RYR3: variants seen among roughly 807,000 people sequenced by gnomAD.
RYR3 encodes the protein ryanodine receptor 3.
A neutral mutation model predicts 584.3 loss-of-function variants in RYR3; 207 were observed. The observed-to-expected ratio is 0.35, with a 90% CI of 0.32 to 0.40. The LOEUF is 0.40. RYR3 is among the 10% of genes least tolerant of loss of function. The pLI, the probability that RYR3 is intolerant of heterozygous loss-of-function variation, is 1.00. For missense variants in RYR3, 5,616 were observed against 6,089.2 expected (o/e 0.92, Z 2.59); for synonymous variants, 2,416 against 2,248.5 (o/e 1.07, Z -2.11).
chr15:33,479,320 A>G (rs2049735867), intron 2 of RYR3, among the ~76,000 whole-genome samples: 2 of 152,010 alleles, frequency 1.3e-5, no homozygotes, highest in Non-Finnish European at 2.9e-5. Flanking sequence ...GCAGAGACAG[A>G]CTCATCCTAA....
intron 16 of RYR3, among the ~76,000 whole-genome samples, chr15:33,592,613 AAGG>A (rs908396045): frequency 6.6e-6 from 1 of 152,168 alleles, no homozygotes; most frequent in African/African-American, 2.4e-5. Context: ...GTATGTTCAG[AAGG>A]AGAAGAAAAT....
chr15:33,585,212 C>G (rs763637557), intron 15 of RYR3, among the ~76,000 whole-genome samples: 1 of 152,184 alleles, frequency 6.6e-6, no homozygotes, highest in African/African-American at 2.4e-5. Flanking sequence ...CACCTACACA[C>G]GTCTTCCTAA....
At chr15:33,848,770 C>G (rs187730488) in intron 94 of RYR3, among the ~76,000 whole-genome samples, 1 of 148,402 alleles carries the variant, frequency 6.7e-6, no homozygotes, top group East Asian at 2.0e-4. Context: ...TCAGCTTCAG[C>G]TTTTCCATAG....
At chr15:33,626,888 A>C (rs1229932734) in intron 20 of RYR3, among the ~76,000 whole-genome samples, 1 of 152,116 alleles carries the variant, frequency 6.6e-6, no homozygotes, top group Non-Finnish European at 1.5e-5. Flanking sequence ...AAACACCTGG[A>C]TGTCCAAGCA....
chr15:33,664,744 GCATA>G (rs2063398902), intron 36 of RYR3, among the ~76,000 whole-genome samples: 1 of 151,634 alleles, frequency 6.6e-6, no homozygotes. Context: ...CATAGAGTAA[GCATA>G]CATACATGTA....
At chr15:33,449,384 A>T (rs1281742842) in intron 1 of RYR3, among the ~76,000 whole-genome samples, 1 of 152,210 alleles carries the variant, frequency 6.6e-6, no homozygotes, top group African/African-American at 2.4e-5. Flanking sequence ...GTACAATGTG[A>T]AACTCACAGT....
intron 9 of RYR3, among the ~76,000 whole-genome samples, chr15:33,549,932 C>T (rs2056548671): frequency 6.6e-6 from 1 of 152,130 alleles, no homozygotes; most frequent in Non-Finnish European, 1.5e-5. Flanking sequence ...AAGCCACTGA[C>T]CTGCCTTCAA....
At chr15:33,826,417 C>T (rs1596839086) in intron 83 of RYR3, 148 bp downstream of exon 83, 1 of 862,402 alleles carries the variant, frequency 1.2e-6, no homozygotes, top group Non-Finnish European at 1.9e-6. Flanking sequence ...GAAGTGTCTT[C>T]CATCTGTAAA....
intron 7 of RYR3, among the ~76,000 whole-genome samples, chr15:33,542,208 A>G (rs577955681): frequency 6.6e-6 from 1 of 152,090 alleles, no homozygotes; most frequent in African/African-American, 2.4e-5. Context: ...CTTCATCATG[A>G]TGCTGCTTTC....
intron 2 of RYR3, among the ~76,000 whole-genome samples, chr15:33,474,442 CCTT>C (rs2049194180): frequency 6.6e-6 from 1 of 152,124 alleles, no homozygotes; most frequent in Non-Finnish European, 1.5e-5. Flanking sequence ...AGGTAGAGTT[CCTT>C]CTTTTCTAGG....
At chr15:33,637,672 T>G (rs1346010116) in intron 27 of RYR3, among the ~76,000 whole-genome samples, 1 of 152,238 alleles carries the variant, frequency 6.6e-6, no homozygotes, top group Non-Finnish European at 1.5e-5. Flanking sequence ...CACAAATACA[T>G]GAAACTGTGT....
chr15:33,579,993 C>T lies in RYR3; in HGVS notation c.1286C>T (p.Ala429Val). Residue 429 changes from alanine to valine, a missense_variant, in exon 13 of 104, where the codon GCT becomes GTT. Transcript: ENST00000634891. ...SQFVSGNNRT[A>V]APITLPIEEV... ...GTTTTTAGCGGAAACAATCGCACAGCTGCCCCCATCACCCTGCCTATAGAA... is the reference window on the plus strand; with the variant it reads ...GTTTTTAGCGGAAACAATCGCACAGTTGCCCCCATCACCCTGCCTATAGAA... 6.2e-7 allele frequency: 1 copy of T among 1,611,328 alleles called. No individual in the cohort carries two copies. The highest frequency in any genetic ancestry group is 1.1e-5 in the South Asian group (1 of 90,648).
At chr15:33,756,216 C>T (rs758763149) in intron 58 of RYR3, 90 bp from the exon 59 acceptor site, 63 of 845,758 alleles carry the variant, frequency 7.4e-5, no homozygotes, top group African/African-American at 1.9e-4. Context: ...TTTTAAATAG[C>T]CTTTAGAAAA....
At chr15:33,861,317 C>A (rs1888116523) in intron 102 of RYR3, 139 bp downstream of exon 102, 1 of 584,282 alleles carries the variant, frequency 1.7e-6, no homozygotes, top group East Asian at 3.1e-5. Context: ...TACCTTTGTC[C>A]ATAGACTCTG....
At position 33,861,117 on chromosome 15, in the gene RYR3, G is replaced by T; in HGVS notation, c.14404G>T (p.Asp4802Tyr). The T allele has an allele frequency of 1.3e-6, 2 of 1,597,496 alleles. No individual in the cohort carries two copies. Among genetic ancestry groups the T allele is most frequent in the South Asian group, 2.3e-5 (2 of 87,922 alleles). The change falls in exon 102 of 104, where the codon GAC (aspartate) becomes TAC (tyrosine). Residue 4802 changes from aspartate (D) to tyrosine (Y), a missense_variant. This residue lies in a region of RYR3 where 918 missense variants were observed against 887.4 expected (regional missense o/e 1.03). Transcript: ENST00000634891. ...FICGIGNDYF[D>Y]TTPHGFETHT... ...CTGTGGGATTGGCAATGACTACTTT[G>T]ACACAACCCCTCATGGTTTTGAAAC...
At position 33,658,261 on chromosome 15, in the gene RYR3, G is replaced by A. The variant is rs140858917; in HGVS notation, c.4309-1459G>A. ...TGGCAGAATTCAATTGCTTGCATTT[G>A]TAGAACTGAGGTCCTGTTTTCATGC... On this transcript the variant is annotated intron_variant, in intron 32 of 103. Transcript: ENST00000634891. Among the ~76,000 whole-genome samples, 171 of 152,312 alleles carry A rather than the reference G, an allele frequency of 1.1e-3. 1 individual carries two copies. The highest frequency in any genetic ancestry group is 3.9e-3 in the African/African-American group (162 of 41,578).
chr15:33,398,598 T>G (rs932935821), intron 1 of RYR3, among the ~76,000 whole-genome samples: 11 of 152,192 alleles, frequency 7.2e-5, no homozygotes, highest in African/African-American at 2.7e-4. Flanking sequence ...ACGCATGGGA[T>G]TTCAGGGAGT....
In RYR3 at chr15:33,700,983, C is replaced by T. The variant is rs760346507; in HGVS notation, c.6386C>T (p.Pro2129Leu). 6.2e-7 allele frequency: 1 copy of T among 1,612,000 alleles called. No homozygotes were observed. Residue 2129 changes from proline to leucine, a missense_variant, in exon 42 of 104, where the codon CCG (proline) becomes CTG (leucine). Transcript: ENST00000634891. ...TTCTCCCCTCCTCCCTCAGCCTCCC[C>T]GTCGATGAGGGGATCCACCCCGCTG... ...LENSSVGLAS[P>L]SMRGSTPLDV...
At chr15:33,488,207 C>A (rs2050633532) in intron 2 of RYR3, among the ~76,000 whole-genome samples, 1 of 152,156 alleles carries the variant, frequency 6.6e-6, no homozygotes, top group Non-Finnish European at 1.5e-5. Flanking sequence ...TGGGAATCTT[C>A]ACAAAGAATT....
Sources: allele counts gnomAD v4.1 joint callset (sites outside exome capture counted in the v4.1 genomes callset), GRCh38; gene constraint gnomAD v4.1.1; regional missense constraint gnomAD v4.1.1; transcripts MANE v1.5; gene names NCBI Gene and HGNC (gene_info 2026-07-23, HGNC 2026-07-21).